IMMP2L: variants seen among roughly 807,000 people sequenced by gnomAD.
IMMP2L encodes mitochondrial inner membrane protease subunit 2.
A neutral mutation model predicts 19.3 loss-of-function variants in IMMP2L; 18 were observed. The ratio of observed to expected loss-of-function variants is 0.93; its 90% confidence interval spans 0.64 to 1.38. IMMP2L has a LOEUF of 1.38. Ranked by LOEUF, IMMP2L falls within the 40% of genes most tolerant of loss-of-function variation. The pLI, the probability that IMMP2L is intolerant of heterozygous loss-of-function variation, is 0.00. For missense variants in IMMP2L, 233 were observed against 218.2 expected (o/e 1.07, Z -0.43); for synonymous variants, 76 against 73.0 (o/e 1.04, Z -0.21).
intron 5 of IMMP2L, among the ~76,000 whole-genome samples, chr7:110,844,720 GGA>G (rs1805502287): frequency 1.9e-5 from 1 of 53,742 alleles, no homozygotes; most frequent in Non-Finnish European, 3.6e-5. Context: ...CAGTCCAGAA[GGA>G]GAGATGGTGA....
chr7:111,097,121 G>A (rs1202814835), intron 3 of IMMP2L: 1 of 151,824 alleles, frequency 6.6e-6, no homozygotes, highest in Non-Finnish European at 1.5e-5. Flanking sequence ...AAGGCCCACT[G>A]AATCAGTTAA....
intron 3 of IMMP2L, among the ~76,000 whole-genome samples, chr7:111,169,506 G>A (rs185640553): frequency 1.4e-4 from 22 of 151,942 alleles, no homozygotes; most frequent in African/African-American, 3.1e-4. Context: ...TACATTCAGC[G>A]TTCTGAGGGA....
At chr7:111,175,525 A>G (rs1586692696) in intron 3 of IMMP2L, among the ~76,000 whole-genome samples, 2 of 151,864 alleles carry the variant, frequency 1.3e-5, no homozygotes, top group African/African-American at 4.8e-5. Context: ...ATCAGAAATT[A>G]TTTCAAGAAA....
intron 5 of IMMP2L, among the ~76,000 whole-genome samples, chr7:110,740,243 C>A (rs554603827): frequency 1.8e-4 from 28 of 151,670 alleles, no homozygotes; most frequent in Admixed American, 5.9e-4. Context: ...TTGAAACAAA[C>A]AAAAAACAAA....
chr7:110,995,952 A>G (rs1178371857), intron 3 of IMMP2L, among the ~76,000 whole-genome samples: 1 of 152,192 alleles, frequency 6.6e-6, no homozygotes. Flanking sequence ...AACACCATGT[A>G]ATACACATAA....
intron 3 of IMMP2L, among the ~76,000 whole-genome samples, chr7:111,201,378 C>A (rs1361030230): frequency 6.6e-6 from 1 of 151,754 alleles, no homozygotes; most frequent in East Asian, 1.9e-4. Flanking sequence ...TGGTGTCCAC[C>A]CAAAATTCCT....
chr7:110,789,098 G>A (rs762893271), intron 5 of IMMP2L, among the ~76,000 whole-genome samples: 1 of 151,694 alleles, frequency 6.6e-6, no homozygotes, highest in African/African-American at 2.4e-5. Flanking sequence ...CTAACTAAAA[G>A]CAAACATCAA....
chr7:111,313,684 C>A (rs940005120), intron 3 of IMMP2L, among the ~76,000 whole-genome samples: 1 of 151,890 alleles, frequency 6.6e-6, no homozygotes, highest in Non-Finnish European at 1.5e-5. Flanking sequence ...TTTTTACTCT[C>A]GTCAGGAAAT....
chr7:111,261,496 C>T (rs989567346), intron 3 of IMMP2L, among the ~76,000 whole-genome samples: 2 of 152,108 alleles, frequency 1.3e-5, no homozygotes, highest in African/African-American at 4.8e-5. Context: ...TCATTCAGCA[C>T]ATTGTGAAGA....
At chr7:110,684,568 T>A (rs1283695766) in intron 5 of IMMP2L, among the ~76,000 whole-genome samples, 1 of 151,884 alleles carries the variant, frequency 6.6e-6, no homozygotes, top group Non-Finnish European at 1.5e-5. Flanking sequence ...GGCAAGCAGA[T>A]GAGGTTGACT....
intron 5 of IMMP2L, among the ~76,000 whole-genome samples, chr7:110,747,348 C>T (rs10242288): frequency 0.95 from 144,583 of 152,256 alleles, 68,666 homozygotes; most frequent in East Asian, 0.98. Context: ...CCATTCCTCC[C>T]GAAACTATTC....
At chr7:111,190,015 C>T (rs943628772) in intron 3 of IMMP2L, among the ~76,000 whole-genome samples, 1 of 152,020 alleles carries the variant, frequency 6.6e-6, no homozygotes, top group Non-Finnish European at 1.5e-5. Context: ...GTTGTATTAT[C>T]AGTGGAAATT....
At chr7:111,187,240 G>C (rs1024923982) in intron 3 of IMMP2L, among the ~76,000 whole-genome samples, 7 of 152,056 alleles carry the variant, frequency 4.6e-5, no homozygotes, top group African/African-American at 1.7e-4. Flanking sequence ...TGGCCAAGCA[G>C]GTCTTAACCC....
chr7:111,020,551 T>C (rs754034335), intron 3 of IMMP2L, among the ~76,000 whole-genome samples: 32 of 152,008 alleles, frequency 2.1e-4, no homozygotes, highest in Non-Finnish European at 4.3e-4. Context: ...TGCTTGAGCA[T>C]AGGAGTTCAA....
At chr7:111,463,022 AGAAATCT>A (rs1201653650) in intron 3 of IMMP2L, among the ~76,000 whole-genome samples, 2 of 152,182 alleles carry the variant, frequency 1.3e-5, no homozygotes, top group African/African-American at 4.8e-5. Flanking sequence ...TCCGGAGGCC[AGAAATCT>A]GAAATTGAGG....
At chr7:110,948,466 T>G (rs2129553842) in intron 4 of IMMP2L, among the ~76,000 whole-genome samples, 1 of 152,300 alleles carries the variant, frequency 6.6e-6, no homozygotes, top group African/African-American at 2.4e-5. Flanking sequence ...CAGAGCAAGC[T>G]AAAATAGCCA....
At chr7:111,350,996 A>G (rs1294325363) in intron 3 of IMMP2L, among the ~76,000 whole-genome samples, 4 of 152,164 alleles carry the variant, frequency 2.6e-5, no homozygotes, top group Non-Finnish European at 5.9e-5. Context: ...TGAAAGTACA[A>G]TGCAAATTGA....
chr7:111,388,793 C>T (rs1422164027), intron 3 of IMMP2L, among the ~76,000 whole-genome samples: 2 of 152,072 alleles, frequency 1.3e-5, no homozygotes, highest in East Asian at 3.9e-4. Flanking sequence ...AATTACCTCC[C>T]CCTGGGTCCC....
At chr7:111,304,669 AATGTGTGT>A (rs1822649148) in intron 3 of IMMP2L, among the ~76,000 whole-genome samples, 1 of 60,594 alleles carries the variant, frequency 1.7e-5, no homozygotes, top group African/African-American at 5.4e-5. Flanking sequence ...ACACATATAT[AATGTGTGT>A]GTGTGTGTGT....
Sources: allele counts gnomAD v4.1 joint callset (sites outside exome capture counted in the v4.1 genomes callset), GRCh38; gene constraint gnomAD v4.1.1; transcripts MANE v1.5; gene names NCBI Gene and HGNC (gene_info 2026-07-23, HGNC 2026-07-21).